Variants in PREX2 observed in about 807,000 individuals in gnomAD.
PREX2 encodes the protein phosphatidylinositol 3,4,5-trisphosphate-dependent Rac exchanger 2 protein.
A neutral mutation model predicts 203.2 loss-of-function variants in PREX2; 107 were observed. That is an observed-to-expected ratio of 0.53 (90% CI 0.45 to 0.62). The LOEUF (loss-of-function observed/expected upper bound fraction) is 0.62. Among genes scored for constraint, PREX2 ranks in the 20% least tolerant of loss-of-function variants. The pLI is 0.00. For missense variants in PREX2, 1,777 were observed against 1,955.9 expected (o/e 0.91, Z 1.72); for synonymous variants, 672 against 663.6 (o/e 1.01, Z -0.19).
intron 37 of PREX2, among the ~76,000 whole-genome samples, chr8:68,216,632 T>C (rs1201557186): frequency 1.3e-5 from 2 of 152,002 alleles, no homozygotes; most frequent in African/African-American, 2.4e-5. Context: ...TCAGGGGTAC[T>C]GTAGAGATCA....
chr8:68,044,287 G>T (rs76941070), intron 7 of PREX2, among the ~76,000 whole-genome samples, 200 bp from the exon 8 acceptor site: 2,591 of 152,186 alleles, frequency 0.017, 57 homozygotes, highest in African/African-American at 0.055. Flanking sequence ...TTAAAAATTA[G>T]TATGCAAGTT....
chr8:68,126,408 GTTAA>G (rs1264929164), intron 30 of PREX2, among the ~76,000 whole-genome samples: 2 of 152,080 alleles, frequency 1.3e-5, no homozygotes, highest in Non-Finnish European at 2.9e-5. Flanking sequence ...TTATGAATGA[GTTAA>G]TTGAGACTCA....
At chr8:68,023,694 G>A (rs1585714120) in intron 4 of PREX2, among the ~76,000 whole-genome samples, 1 of 151,818 alleles carries the variant, frequency 6.6e-6, no homozygotes, top group Admixed American at 6.6e-5. Context: ...CTGTATTCAG[G>A]TCTTGTACTT....
Position 68,099,774 on chromosome 8 carries a change from G to A in PREX2, c.2646G>A (p.Gln882=). The A allele has an allele frequency of 5.0e-6, 8 of 1,613,286 alleles. No homozygotes were observed. The highest frequency in any genetic ancestry group is 6.8e-6 in the Non-Finnish European group (8 of 1,179,320). The change falls in exon 23 of 40, where the codon CAG becomes CAA. Residue 882 remains glutamine, a synonymous_variant. Transcript: ENST00000288368. ...ATGAAGTGATTCCTACTGACCTTCA[G>A]AGTAAATTCAGTGCCCTTTGCAGTG... ...SLNEVIPTDL[Q]SKFSALCSER... is the part of the protein sequence containing the mutation.
intron 32 of PREX2, among the ~76,000 whole-genome samples, chr8:68,135,919 T>A (rs1811105920): frequency 6.6e-6 from 1 of 152,144 alleles, no homozygotes; most frequent in Non-Finnish European, 1.5e-5. Flanking sequence ...TACTGATACA[T>A]GCTACAACAT....
In PREX2 at chr8:68,083,216, TA is replaced by T. The variant is rs139834571; in HGVS notation, c.1879-23del. ...TTTCTTATTAAAATATACTTTGACT[TA>T]TTTTTTGTAATTTCTCTCTTAGATG... On this transcript the variant is annotated intron_variant, in intron 17 of 39. Transcript: ENST00000288368. The T allele has an allele frequency of 2.3e-3, 3,479 of 1,544,012 alleles. 72 individuals carry two copies. In the African/African-American group the frequency reaches 0.043, roughly 19 times the overall value.
At chr8:67,965,783 A>G (rs1302526342) in intron 1 of PREX2, among the ~76,000 whole-genome samples, 1 of 152,206 alleles carries the variant, frequency 6.6e-6, no homozygotes, top group Non-Finnish European at 1.5e-5. Context: ...GGGTCATGTT[A>G]CATAGCTAGA....
intron 34 of PREX2, among the ~76,000 whole-genome samples, chr8:68,148,493 A>G (rs994879346): frequency 2.6e-5 from 4 of 152,250 alleles, no homozygotes; most frequent in African/African-American, 7.2e-5. Flanking sequence ...TCTATGACAC[A>G]TCAGCCATAA....
chr8:68,120,002 A>T (rs971747617), intron 28 of PREX2, among the ~76,000 whole-genome samples, 194 bp from the exon 29 acceptor site: 2 of 152,220 alleles, frequency 1.3e-5, no homozygotes, highest in African/African-American at 2.4e-5. Flanking sequence ...ATGGTAAGAT[A>T]GTAAGAAATG....
intron 23 of PREX2, chr8:68,101,541 G>A: frequency 2.1e-6 from 1 of 484,852 alleles, no homozygotes; most frequent in Non-Finnish European, 4.1e-6. Flanking sequence ...TTGAAGGACA[G>A]AAGATTCTTT....
At chr8:68,158,634 A>G (rs1264543979) in intron 35 of PREX2, among the ~76,000 whole-genome samples, 1 of 152,158 alleles carries the variant, frequency 6.6e-6, no homozygotes, top group Non-Finnish European at 1.5e-5. Flanking sequence ...TCTTTATGTT[A>G]AGTTACAGCT....
intron 6 of PREX2, among the ~76,000 whole-genome samples, chr8:68,037,488 G>A (rs998798128): frequency 6.6e-6 from 1 of 152,086 alleles, no homozygotes; most frequent in Non-Finnish European, 1.5e-5. Context: ...CAGGGCCCAG[G>A]CTCCTCCCAT....
At chr8:67,992,049 A>C (rs1806626160) in intron 1 of PREX2, among the ~76,000 whole-genome samples, 1 of 152,234 alleles carries the variant, frequency 6.6e-6, no homozygotes, top group African/African-American at 2.4e-5. Context: ...CAATGCATTA[A>C]GTACTGAAGA....
intron 1 of PREX2, among the ~76,000 whole-genome samples, chr8:67,975,935 C>G (rs1806069789): frequency 6.7e-6 from 1 of 149,692 alleles, no homozygotes; most frequent in African/African-American, 2.5e-5. Context: ...AGGCTGGTCT[C>G]AAACTCCTGA....
At position 67,952,374 on chromosome 8, in the gene PREX2, C is replaced by T. The variant is rs1266156306; in HGVS notation, c.-21C>T. ...GCGCTCAGCACGGCGGGCAGCGCCG[C>T]GCTGCGCACCGCCGCCGACCATGAG... On this transcript the variant is annotated 5_prime_UTR_variant, in exon 1 of 40. Coordinates refer to ENST00000288368, the MANE Select transcript of PREX2 (RefSeq NM_024870.4). 2.6e-6 allele frequency: 4 copies of T among 1,518,306 alleles called. No homozygotes were observed. In the East Asian group the frequency reaches 1.1e-4, roughly 40 times the overall value. The allele number at this position is 1,518,306 out of a possible 1,614,324, so 94.1% of individuals were successfully genotyped here.
At chr8:67,961,335 TATTAA>T (rs1277142814) in intron 1 of PREX2, among the ~76,000 whole-genome samples, 4 of 152,058 alleles carry the variant, frequency 2.6e-5, no homozygotes, top group Non-Finnish European at 2.9e-5. Flanking sequence ...TTAAAAGTGT[TATTAA>T]ATTTATTAAA....
At chr8:68,047,182 A>G (rs1183300557) in intron 8 of PREX2, among the ~76,000 whole-genome samples, 1 of 151,798 alleles carries the variant, frequency 6.6e-6, no homozygotes, top group Non-Finnish European at 1.5e-5. Flanking sequence ...TGCTGCATGA[A>G]CTTTCTTCCT....
intron 35 of PREX2, among the ~76,000 whole-genome samples, chr8:68,182,479 G>C (rs1487477258): frequency 2.6e-5 from 4 of 152,028 alleles, no homozygotes; most frequent in African/African-American, 9.7e-5. Context: ...TAATGGAGTT[G>C]TAGCTAATAT....
intron 1 of PREX2, among the ~76,000 whole-genome samples, chr8:67,988,691 C>G (rs867950394): frequency 1.3e-5 from 2 of 152,160 alleles, no homozygotes; most frequent in Non-Finnish European, 2.9e-5. Context: ...GAGTCTTGGG[C>G]GTAAGTTAGG....
Sources: gnomAD v4.1 joint callset for allele counts (sites outside exome capture counted in the v4.1 genomes callset) on GRCh38, gnomAD v4.1.1 for gene constraint, MANE v1.5 for transcripts, NCBI Gene and HGNC (gene_info 2026-07-23, HGNC 2026-07-21) for gene names.